Variants in CEP162 observed in about 807,000 individuals in gnomAD.
CEP162 encodes the protein centrosomal protein 162.
In CEP162, 141 loss-of-function variants were observed where a neutral mutation model predicts 169.2. The ratio of observed to expected loss-of-function variants is 0.83; its 90% CI spans 0.73 to 0.96. The LOEUF (loss-of-function observed/expected upper bound fraction) is 0.96, where lower values mean the gene tolerates loss of function less well. CEP162 is among the 40% of genes least tolerant of loss of function. The pLI, the probability that CEP162 is intolerant of heterozygous loss-of-function variation, is 0.00. For synonymous variants in CEP162, 540 were observed against 526.4 expected (o/e 1.03, Z -0.35); for missense variants, 1,600 against 1,587.2 (o/e 1.01, Z -0.14).
At chr6:84,174,987 G>C (rs572422370) in intron 14 of CEP162, 33 bp from the exon 15 acceptor site, 10 of 1,362,936 alleles carry the variant, frequency 7.3e-6, no homozygotes, top group African/African-American at 2.9e-5. Flanking sequence ...CATTACAGTA[G>C]ACTTATGTAT....
chr6:84,221,542 G>A (rs552167662), intron 2 of CEP162, among the ~76,000 whole-genome samples: 2 of 152,216 alleles, frequency 1.3e-5, no homozygotes, highest in South Asian at 4.1e-4. Context: ...CACCACTCTA[G>A]AAACAGAATT....
chr6:84,220,853 G>A (rs1482615102), intron 3 of CEP162, among the ~76,000 whole-genome samples: 3 of 151,928 alleles, frequency 2.0e-5, no homozygotes, highest in African/African-American at 7.3e-5. Context: ...TGTAAAATAA[G>A]CTGATAATGT....
At chr6:84,205,970 T>C (rs1290158885) in intron 6 of CEP162, among the ~76,000 whole-genome samples, 1 of 148,640 alleles carries the variant, frequency 6.7e-6, no homozygotes, top group Non-Finnish European at 1.5e-5. Context: ...CCATTCACAA[T>C]TGCTTCAAAG....
chr6:84,191,747 G>C (rs1409969404), intron 11 of CEP162, among the ~76,000 whole-genome samples: 4 of 152,150 alleles, frequency 2.6e-5, no homozygotes, highest in Non-Finnish European at 5.9e-5. Flanking sequence ...AAGTTGGTCT[G>C]TGTATGAAGA....
chr6:84,164,705 G>A (rs1012001174), intron 18 of CEP162, among the ~76,000 whole-genome samples: 1 of 152,028 alleles, frequency 6.6e-6, no homozygotes, highest in Non-Finnish European at 1.5e-5. Flanking sequence ...GGGGGGTGAG[G>A]GGCAAGGGGA....
At chr6:84,226,200 G>A in intron 2 of CEP162, 137 bp downstream of exon 2, 1 of 627,752 alleles carries the variant, frequency 1.6e-6, no homozygotes, top group Non-Finnish European at 2.8e-6. Flanking sequence ...AGCAGTGGCA[G>A]AAAAGGGACA....
intron 8 of CEP162, 66 bp from the exon 9 acceptor site, chr6:84,200,971 C>T (rs1182787398): frequency 1.5e-5 from 15 of 1,032,720 alleles, no homozygotes; most frequent in Non-Finnish European, 2.2e-5. Flanking sequence ...TGATCTAATA[C>T]AATTATTTTA....
At chr6:84,186,692 CGT>C (rs1419993914) in intron 11 of CEP162, 69 bp from the exon 12 acceptor site, 17 of 1,284,622 alleles carry the variant, frequency 1.3e-5, no homozygotes, top group South Asian at 2.9e-5. Context: ...GTAATAACCA[CGT>C]GTGTGTGTAC....
chr6:84,210,226 A>T (rs1290825857), intron 6 of CEP162, among the ~76,000 whole-genome samples: 2 of 152,220 alleles, frequency 1.3e-5, no homozygotes, highest in Non-Finnish European at 2.9e-5. Context: ...AGAAATAAAA[A>T]TGTTCTTAAA....
At chr6:84,202,841 C>A (rs1367143587) in intron 7 of CEP162, among the ~76,000 whole-genome samples, 1 of 152,054 alleles carries the variant, frequency 6.6e-6, no homozygotes, top group African/African-American at 2.4e-5. Flanking sequence ...ACATTAATTT[C>A]TATGTTATTT....
In CEP162 at chr6:84,182,899, C is replaced by T. The variant is rs555089341; in HGVS notation, c.1663+2288G>A. On this transcript the variant is annotated intron_variant, in intron 13 of 26. Coordinates refer to ENST00000403245, the MANE Select transcript of CEP162 (RefSeq NM_014895.4). ...CCAATGTTGATTTTAATTTTAACTG[C>T]ATTCTGTATATTTTCTGAACACTAA... 2.6e-5 allele frequency among the ~76,000 whole-genome samples: 4 copies of T among 152,224 alleles called. No homozygotes were observed. In the South Asian group the frequency reaches 8.3e-4, roughly 32 times the overall value.
Position 84,161,910 on chromosome 6 carries a change from C to G in CEP162, c.2513-1G>C. 2 of 1,485,060 alleles carry G rather than the reference C, an allele frequency of 1.3e-6. No individual in the cohort carries two copies. The highest frequency in any genetic ancestry group is 1.8e-6 in the Non-Finnish European group (2 of 1,086,234). The allele number at this position is 1,485,060 out of a possible 1,614,324, so 92.0% of individuals were successfully genotyped here. On this transcript the variant is annotated splice_acceptor_variant, in intron 19 of 26. Coordinates refer to ENST00000403245, the MANE Select transcript of CEP162 (RefSeq NM_014895.4). LOFTEE classifies it high-confidence loss of function. ...ATTTTTATTTCATATAATTTCTCAC[C>G]TATAAGATACAGTAACTCAATAACC...
In CEP162 at chr6:84,174,170, T is replaced by C. The variant is rs1333167509; in HGVS notation, c.2044A>G (p.Thr682Ala). 1 of 1,606,542 alleles carries C rather than the reference T, an allele frequency of 6.2e-7. No homozygotes were observed. Among genetic ancestry groups the C allele is most frequent in the South Asian group, 1.1e-5 (1 of 89,778 alleles). ...LQAKLSSFEE[T>A]NKKQRWLHFG... ...TGTAACCACCTTTGTTTTTTGTTTG[T>C]TTCTTCAAAGCTGCTTAACTTGGAG... The change falls in exon 16 of 27, where the codon ACA (threonine) becomes GCA (alanine). Residue 682 changes from threonine to alanine, a missense_variant. Transcript: ENST00000403245.
intron 7 of CEP162, among the ~76,000 whole-genome samples, chr6:84,203,001 G>C (rs986998597): frequency 5.9e-5 from 9 of 152,112 alleles, no homozygotes; most frequent in African/African-American, 2.2e-4. Flanking sequence ...AAAACATCTA[G>C]TCCTAACACA....
At chr6:84,167,092 T>A (rs980308082) in intron 18 of CEP162, among the ~76,000 whole-genome samples, 1 of 152,238 alleles carries the variant, frequency 6.6e-6, no homozygotes, top group East Asian at 1.9e-4. Flanking sequence ...GTGGGACTTA[T>A]TGTGCTTCCT....
At chr6:84,142,975 T>A (rs1450567872) in intron 25 of CEP162, among the ~76,000 whole-genome samples, 1 of 152,102 alleles carries the variant, frequency 6.6e-6, no homozygotes, top group Non-Finnish European at 1.5e-5. Context: ...TAATTGTTAA[T>A]AACAAGTACA....
intron 6 of CEP162, among the ~76,000 whole-genome samples, chr6:84,211,526 CAAAAAAAA>C (rs960472453): frequency 2.2e-4 from 8 of 35,580 alleles, no homozygotes; most frequent in African/African-American, 3.7e-4. Context: ...GATTCTATCT[CAAAAAAAA>C]AAAAAAAAAA....
chr6:84,149,773 A>C, intron 23 of CEP162, 70 bp from the exon 24 acceptor site: 1 of 1,307,238 alleles, frequency 7.6e-7, no homozygotes, highest in Non-Finnish European at 1.0e-6. Context: ...GTTAGCACAA[A>C]AACAGTAGAA....
At chr6:84,193,801 C>A in intron 10 of CEP162, 111 bp from the exon 11 acceptor site, 1 of 567,986 alleles carries the variant, frequency 1.8e-6, no homozygotes, top group South Asian at 2.4e-5. Flanking sequence ...TAAAACGGTA[C>A]ATGCAATAAA....
Sources: gnomAD v4.1 joint callset for allele counts (sites outside exome capture counted in the v4.1 genomes callset) on GRCh38, gnomAD v4.1.1 for gene constraint, MANE v1.5 for transcripts, NCBI Gene and HGNC (gene_info 2026-07-23, HGNC 2026-07-21) for gene names.